Variants in SNX25 observed in about 807,000 individuals in gnomAD.
The protein encoded by SNX25 is sorting nexin 25.
Under a neutral mutation model 113.7 loss-of-function variants are expected in SNX25, and 62 were observed. The observed-to-expected ratio is 0.55, with a 90% CI of 0.44 to 0.67. The LOEUF (loss-of-function observed/expected upper bound fraction) is 0.67. SNX25 is among the 30% of genes least tolerant of loss of function. The pLI is 0.00. For synonymous variants in SNX25, 421 were observed against 436.2 expected, an observed-to-expected ratio of 0.97 and a Z score of 0.43; for missense variants, 1,014 against 1,161.0, an observed-to-expected ratio of 0.87 and a Z score of 1.84.
chr4:185,295,449 G>A (rs1314833217), intron 6 of SNX25, among the ~76,000 whole-genome samples: 4 of 132,696 alleles, frequency 3.0e-5, no homozygotes, highest in Non-Finnish European at 6.5e-5. Context: ...TTTCTGGTGA[G>A]TCTTTTTTTT....
At chr4:185,344,655 AAAC>A (rs1477997003) in intron 12 of SNX25, among the ~76,000 whole-genome samples, 1 of 142,032 alleles carries the variant, frequency 7.0e-6, no homozygotes, top group Admixed American at 6.8e-5. Flanking sequence ...GGAGGAAGGA[AAAC>A]AAAGTTTGAA....
chr4:185,301,690 G>T (rs1039854729), intron 6 of SNX25, among the ~76,000 whole-genome samples: 4 of 152,022 alleles, frequency 2.6e-5, no homozygotes, highest in African/African-American at 9.7e-5. Flanking sequence ...GGGTTCAAGC[G>T]ATTCTTGTGC....
chr4:185,320,920 G>A, intron 8 of SNX25, 56 bp downstream of exon 8: 2 of 1,449,656 alleles, frequency 1.4e-6, no homozygotes, highest in Non-Finnish European at 1.8e-6. Context: ...AACTTGGCAT[G>A]TGAGGCAGCA....
Position 185,256,850 on chromosome 4 carries a change from C to T in SNX25, c.515-1998C>T, listed in dbSNP as rs556576976. Among the ~76,000 whole-genome samples, 7 of 152,018 alleles carry T rather than the reference C, an allele frequency of 4.6e-5. No homozygotes were observed. In the South Asian group the frequency reaches 1.5e-3, roughly 32 times the overall value. On this transcript the variant is annotated intron_variant, in intron 2 of 18. Transcript: ENST00000652585. ...TGCTGCCCAGGCTGGTCTCAAGCTC[C>T]TGGGCTCAAGTGTTCCTCCCACCTC...
upstream of SNX25, among the ~76,000 whole-genome samples, chr4:185,204,989 AGTT>A (rs1737122319): frequency 6.6e-6 from 1 of 152,374 alleles, no homozygotes; most frequent in East Asian, 1.9e-4. Flanking sequence ...ACAATCCAGT[AGTT>A]AATAAATATT....
intron 1 of SNX25, among the ~76,000 whole-genome samples, chr4:185,242,607 C>A (rs1416784402): frequency 6.6e-6 from 1 of 152,172 alleles, no homozygotes; most frequent in Non-Finnish European, 1.5e-5. Context: ...AGCTTTCATG[C>A]CCTCCCTGGG....
intron 6 of SNX25, 73 bp from the exon 7 acceptor site, chr4:185,310,562 A>G (rs1755104192): frequency 7.1e-7 from 1 of 1,404,192 alleles, no homozygotes; most frequent in African/African-American, 1.4e-5. Context: ...GCAGACACTG[A>G]TCTGGTTCTG....
intron 9 of SNX25, among the ~76,000 whole-genome samples, chr4:185,326,442 GACA>G (rs2095157868): frequency 6.6e-6 from 1 of 152,048 alleles, no homozygotes; most frequent in South Asian, 2.1e-4. Context: ...ACCAAAACAA[GACA>G]ACAATTGTTT....
intron 6 of SNX25, among the ~76,000 whole-genome samples, chr4:185,307,359 C>T (rs1326192604): frequency 6.6e-6 from 1 of 152,210 alleles, no homozygotes; most frequent in African/African-American, 2.4e-5. Context: ...TGTGCTGACT[C>T]ACCTCCAGAG....
Position 185,363,659 on chromosome 4 carries a change from A to G in SNX25, c.*194A>G, listed in dbSNP as rs1240015054. 5 of 462,182 alleles carry G rather than the reference A, an allele frequency of 1.1e-5. No homozygotes were observed. Among genetic ancestry groups the G allele is most frequent in the African/African-American group, 1.9e-5 (1 of 51,708 alleles). 28.6% of individuals were successfully genotyped at this position (462,182 alleles called of 1,614,324 possible). A position where few individuals can be genotyped will look rare whatever the true frequency, so the allele number is the denominator to read the frequency against. On this transcript the variant is annotated 3_prime_UTR_variant, in exon 19 of 19. Transcript: ENST00000652585. This position sits in a 1 kb window ranked among gnomAD's most constrained non-coding sequence, Gnocchi z 4.2. ...TGGTAGGCAACAGAAAAAAACTTCT[A>G]TTGATTTTAATTTAATATGAATACT...
intron 6 of SNX25, among the ~76,000 whole-genome samples, chr4:185,304,588 C>T (rs1388290867): frequency 6.6e-6 from 1 of 152,122 alleles, no homozygotes; most frequent in African/African-American, 2.4e-5. Flanking sequence ...AACTCCCAGC[C>T]TCATGTGATC....
At chr4:185,307,663 C>G (rs1210049972) in intron 6 of SNX25, among the ~76,000 whole-genome samples, 1 of 152,256 alleles carries the variant, frequency 6.6e-6, no homozygotes, top group African/African-American at 2.4e-5. Flanking sequence ...TCCACCTGCT[C>G]TGCCTTCCAT....
chr4:185,328,940 A>G (rs2095175453), intron 9 of SNX25, among the ~76,000 whole-genome samples: 1 of 152,122 alleles, frequency 6.6e-6, no homozygotes, highest in African/African-American at 2.4e-5. Flanking sequence ...ATGCAGGGAA[A>G]TGAGAATACG....
rs147063543 is a variant in SNX25 at position 185,322,015 on chromosome 4, C to T, written c.1476+1151C>T. Among the ~76,000 whole-genome samples the T allele has an allele frequency of 1.9e-3, 282 of 152,236 alleles. 2 individuals are homozygous for T. Among genetic ancestry groups the T allele is most frequent in the African/African-American group, 6.5e-3 (269 of 41,538 alleles). ...TGGTATCTTCAGGAGATCTTAGAAC[C>T]AATCTTCCATAGATCCCGAGGGGCA... On this transcript the variant is annotated intron_variant, in intron 8 of 18. Transcript: ENST00000652585.
At chr4:185,318,513 C>A (rs2095093106) in intron 7 of SNX25, among the ~76,000 whole-genome samples, 1 of 151,848 alleles carries the variant, frequency 6.6e-6, no homozygotes, top group Admixed American at 6.6e-5. Context: ...ATTTTATGGG[C>A]TTATTAAAAG....
At chr4:185,344,282 A>G (rs79685076) in intron 12 of SNX25, among the ~76,000 whole-genome samples, 3,475 of 152,190 alleles carry the variant, frequency 0.023, 46 homozygotes, top group Non-Finnish European at 0.036. Context: ...GATTTTAAAG[A>G]GAGGGTTTGG....
chr4:185,355,263 A>G (rs561472700), intron 15 of SNX25, among the ~76,000 whole-genome samples: 3 of 152,390 alleles, frequency 2.0e-5, no homozygotes, highest in Non-Finnish European at 4.4e-5. Context: ...ACCTTTGCTC[A>G]TTGACCTTTT....
intron 15 of SNX25, among the ~76,000 whole-genome samples, chr4:185,354,646 T>C (rs1483604144): frequency 6.6e-6 from 1 of 152,220 alleles, no homozygotes; most frequent in Non-Finnish European, 1.5e-5. Flanking sequence ...TTCCATTTCC[T>C]TAAGAGCTAT....
intron 11 of SNX25, chr4:185,369,736 T>C (rs1335797497): frequency 4.5e-6 from 2 of 441,054 alleles, no homozygotes; most frequent in African/African-American, 2.0e-5. Context: ...TTACCTGACA[T>C]TGGAATCCCA....
Sources: allele counts gnomAD v4.1 joint callset (sites outside exome capture counted in the v4.1 genomes callset), GRCh38; gene constraint gnomAD v4.1.1; non-coding constraint Gnocchi (gnomAD v3.1); transcripts MANE v1.5; gene names NCBI Gene and HGNC (gene_info 2026-07-23, HGNC 2026-07-21).